POT1: variants seen among roughly 807,000 people sequenced by gnomAD.
The protein encoded by POT1 is protection of telomeres 1, also known as protection of telomeres protein 1.
Under a neutral mutation model 78.5 loss-of-function variants are expected in POT1, and 47 were observed. The ratio of observed to expected loss-of-function variants is 0.60; its 90% CI spans 0.47 to 0.76. The LOEUF (loss-of-function observed/expected upper bound fraction) is 0.76. Ranked by LOEUF, POT1 falls within the 30% of genes least tolerant of loss-of-function variation. POT1 has a pLI of 0.00. For synonymous variants in POT1, 259 were observed against 260.7 expected, an observed-to-expected ratio of 0.99 and a Z score of 0.06; for missense variants, 646 against 749.9, an observed-to-expected ratio of 0.86 and a Z score of 1.62.
intron 3 of POT1, among the ~76,000 whole-genome samples, chr7:124,901,448 A>C (rs1796617133): frequency 6.6e-6 from 1 of 152,224 alleles, no homozygotes. Context: ...TGACTGTAAG[A>C]AGGAAAACTA....
intron 6 of POT1, among the ~76,000 whole-genome samples, chr7:124,876,187 G>A (rs547610757): frequency 1.3e-5 from 2 of 152,250 alleles, no homozygotes; most frequent in African/African-American, 4.8e-5. Flanking sequence ...CCATTTGTTT[G>A]TATATCTTTA....
chr7:124,859,938 T>C (rs546712579), intron 8 of POT1, among the ~76,000 whole-genome samples: 2 of 151,988 alleles, frequency 1.3e-5, no homozygotes, highest in South Asian at 2.1e-4. Context: ...ACGATTGGTA[T>C]ACCACGGCTA....
chr7:124,848,298 C>T (rs1391064363), intron 11 of POT1, among the ~76,000 whole-genome samples: 1 of 152,086 alleles, frequency 6.6e-6, no homozygotes, highest in East Asian at 1.9e-4. Context: ...TATGTTCATA[C>T]CACAGTGTTT....
At chr7:124,891,279 T>C (rs1037349396) in intron 6 of POT1, among the ~76,000 whole-genome samples, 1 of 151,710 alleles carries the variant, frequency 6.6e-6, no homozygotes, top group Non-Finnish European at 1.5e-5. Context: ...AACTGCCTGT[T>C]GTGACAGTTT....
intron 6 of POT1, among the ~76,000 whole-genome samples, chr7:124,890,919 G>A (rs1584790941): frequency 6.6e-6 from 1 of 151,776 alleles, no homozygotes; most frequent in Non-Finnish European, 1.5e-5. Context: ...CTTGTTTTGT[G>A]ACCTAACGAG....
intron 5 of POT1, among the ~76,000 whole-genome samples, chr7:124,896,099 C>T (rs1037729870): frequency 5.3e-5 from 8 of 150,348 alleles, no homozygotes; most frequent in East Asian, 1.9e-4. Context: ...TTCAGGAAAA[C>T]AAGAAACTCA....
intron 7 of POT1, among the ~76,000 whole-genome samples, chr7:124,864,744 C>T (rs1795680306): frequency 1.3e-5 from 2 of 152,168 alleles, no homozygotes; most frequent in South Asian, 4.1e-4. Flanking sequence ...CTTATCCCAT[C>T]CATCCTTTGT....
chr7:124,865,100 A>G (rs986801359), intron 7 of POT1, among the ~76,000 whole-genome samples: 3 of 152,018 alleles, frequency 2.0e-5, no homozygotes, highest in Non-Finnish European at 4.4e-5. Flanking sequence ...GTGTGAATAA[A>G]TTTTTTTCTA....
intron 16 of POT1, among the ~76,000 whole-genome samples, chr7:124,827,794 T>G (rs1204421943): frequency 1.3e-5 from 2 of 152,028 alleles, no homozygotes; most frequent in African/African-American, 4.8e-5. Context: ...GAGGCTGAGG[T>G]GGGCAGATCA....
At chr7:124,928,410 GCA>G (rs751329495) in intron 2 of POT1, among the ~76,000 whole-genome samples, 1 of 152,146 alleles carries the variant, frequency 6.6e-6, no homozygotes, top group Admixed American at 6.5e-5. Context: ...GGAAGGTACA[GCA>G]CAGTCTGTTA....
chr7:124,918,494 A>T (rs903829024), intron 2 of POT1, among the ~76,000 whole-genome samples: 2 of 152,224 alleles, frequency 1.3e-5, no homozygotes, highest in African/African-American at 4.8e-5. Context: ...GAAACATTCA[A>T]GTCTTCAGTA....
At chr7:124,924,609 TA>T (rs1382966522) in intron 2 of POT1, among the ~76,000 whole-genome samples, 2 of 152,004 alleles carry the variant, frequency 1.3e-5, no homozygotes, top group African/African-American at 4.8e-5. Context: ...GAATTCTCCC[TA>T]ACTCATTCTA....
chr7:124,892,574 A>C, intron 5 of POT1, 194 bp from the exon 6 acceptor site: 1 of 364,856 alleles, frequency 2.7e-6, no homozygotes, highest in East Asian at 4.3e-5. Context: ...TTGTTTATAA[A>C]TGGTACAATT....
intron 6 of POT1, among the ~76,000 whole-genome samples, chr7:124,883,705 C>T (rs758334319): frequency 6.3e-4 from 96 of 151,704 alleles, no homozygotes; most frequent in Middle Eastern, 3.4e-3. Context: ...AGTCTGTATA[C>T]GTGTATGTGT....
intron 11 of POT1, among the ~76,000 whole-genome samples, chr7:124,850,674 TG>T (rs1795283673): frequency 6.6e-6 from 1 of 150,934 alleles, no homozygotes; most frequent in African/African-American, 2.4e-5. Flanking sequence ...GAGCTTGCAG[TG>T]AGCAGAGATC....
chr7:124,831,672 A>G (rs947927686), intron 15 of POT1, among the ~76,000 whole-genome samples: 1 of 152,202 alleles, frequency 6.6e-6, no homozygotes, highest in African/African-American at 2.4e-5. Flanking sequence ...ATAGGCTAAT[A>G]AATTCTGATA....
intron 12 of POT1, among the ~76,000 whole-genome samples, chr7:124,846,183 A>ACACACACACACACACACC (rs71520316): frequency 3.3e-5 from 5 of 151,212 alleles, no homozygotes; most frequent in African/African-American, 1.2e-4. Context: ...ACACACACAC[A>ACACACACACACACACACC]CCCCTATAAT....
intron 2 of POT1, among the ~76,000 whole-genome samples, chr7:124,927,041 CAT>C (rs1797292241): frequency 6.6e-6 from 1 of 152,136 alleles, no homozygotes; most frequent in Non-Finnish European, 1.5e-5. Context: ...TATATATCAA[CAT>C]AGCAAAACTG....
chr7:124,841,585 G>A (rs887385728), intron 13 of POT1, among the ~76,000 whole-genome samples: 1 of 151,710 alleles, frequency 6.6e-6, no homozygotes, highest in Non-Finnish European at 1.5e-5. Flanking sequence ...TAGGGAGAAG[G>A]GCACTTCTAA....
Sources: allele counts gnomAD v4.1 joint callset (sites outside exome capture counted in the v4.1 genomes callset), GRCh38; gene constraint gnomAD v4.1.1; transcripts MANE v1.5; gene names NCBI Gene and HGNC (gene_info 2026-07-23, HGNC 2026-07-21).